Variants in PALLD observed in about 807,000 individuals in gnomAD.
PALLD encodes the protein palladin.
A neutral mutation model predicts 123.5 loss-of-function variants in PALLD; 61 were observed. That is an observed-to-expected ratio of 0.49 (90% CI 0.40 to 0.61). The LOEUF is 0.61. PALLD is among the 20% of genes least tolerant of loss of function. The pLI is 0.00. For missense variants in PALLD, 1,273 were observed against 1,377.0 expected (o/e 0.92, Z 1.20); for synonymous variants, 465 against 496.4 (o/e 0.94, Z 0.84).
chr4:168,640,932 G>A (rs1301891065), intron 2 of PALLD, among the ~76,000 whole-genome samples: 1 of 152,124 alleles, frequency 6.6e-6, no homozygotes. Flanking sequence ...TTCCAGGCCG[G>A]GCACGGTGGC....
intron 8 of PALLD, 78 bp from the exon 9 acceptor site, chr4:168,708,950 A>G: frequency 8.0e-7 from 1 of 1,248,704 alleles, no homozygotes; most frequent in Non-Finnish European, 1.2e-6. Flanking sequence ...TTTGTTGTGG[A>G]AAGGTGGAGG....
intron 2 of PALLD, among the ~76,000 whole-genome samples, chr4:168,606,844 G>T (rs1403208427): frequency 6.6e-6 from 1 of 152,110 alleles, no homozygotes; most frequent in African/African-American, 2.4e-5. Flanking sequence ...AATACACTGA[G>T]GGCCAGCAAA....
intron 15 of PALLD, among the ~76,000 whole-genome samples, chr4:168,910,530 A>G (rs1420878639): frequency 6.6e-6 from 1 of 152,244 alleles, no homozygotes; most frequent in Non-Finnish European, 1.5e-5. Context: ...GGATGCCTCA[A>G]AACTGGTTAT....
chr4:168,819,091 G>T (rs1742359120), intron 10 of PALLD, among the ~76,000 whole-genome samples: 1 of 152,170 alleles, frequency 6.6e-6, no homozygotes. Context: ...AGGCTTCAGA[G>T]TTTACCTATC....
chr4:168,836,634 A>G (rs1052775420), intron 10 of PALLD, among the ~76,000 whole-genome samples: 4 of 152,158 alleles, frequency 2.6e-5, no homozygotes, highest in Non-Finnish European at 5.9e-5. Flanking sequence ...AGGCAAACAG[A>G]GATGAAGTAC....
chr4:168,537,807 G>A (rs1292546083), intron 2 of PALLD: 1 of 152,200 alleles, frequency 6.6e-6, no homozygotes, highest in Non-Finnish European at 1.5e-5. Context: ...AGACAAAAAT[G>A]AGAGGGAAAT....
At chr4:168,675,535 A>G (rs569949211) in intron 3 of PALLD, among the ~76,000 whole-genome samples, 18 of 152,310 alleles carry the variant, frequency 1.2e-4, no homozygotes, top group African/African-American at 3.6e-4. Context: ...AAACCAGTTT[A>G]ACTTTGGCCA....
At chr4:168,587,669 A>G (rs564132185) in intron 2 of PALLD, among the ~76,000 whole-genome samples, 1 of 151,742 alleles carries the variant, frequency 6.6e-6, no homozygotes, top group South Asian at 2.1e-4. Context: ...TCCCTATTCT[A>G]CCTCTCCCCT....
Position 168,711,831 on chromosome 4 carries a change from C to T in PALLD, c.1872C>T (p.Asn624=), listed in dbSNP as rs189427176. ...GCCGTGGAGTAAATGGACTGATTAA[C>T]GGCAAAGCTAACAGTAATAAATCTC... The part of the protein sequence containing the change: ...HPSRGVNGLI[N]GKANSNKSLP... The change falls in exon 10 of 22, where the codon AAC becomes AAT. Residue 624 remains asparagine (N), a synonymous_variant. Coordinates refer to ENST00000505667, the MANE Select transcript of PALLD (RefSeq NM_001166108.2). The T allele has an allele frequency of 3.4e-5, 55 of 1,614,148 alleles. No homozygotes were observed. The highest frequency in any genetic ancestry group is 2.7e-4 in the East Asian group (12 of 44,884).
intron 10 of PALLD, among the ~76,000 whole-genome samples, chr4:168,881,789 C>T (rs1581892027): frequency 6.6e-6 from 1 of 152,096 alleles, no homozygotes; most frequent in South Asian, 2.1e-4. Context: ...GGTGTTACAG[C>T]CTCCATTGCT....
At chr4:168,793,042 C>G (rs1313794286) in intron 10 of PALLD, among the ~76,000 whole-genome samples, 2 of 151,454 alleles carry the variant, frequency 1.3e-5, no homozygotes, top group African/African-American at 4.9e-5. Context: ...GCTGGGATTA[C>G]AGGAGTGGGG....
At chr4:168,534,700 T>C (rs997356383) in intron 2 of PALLD, among the ~76,000 whole-genome samples, 7 of 152,218 alleles carry the variant, frequency 4.6e-5, no homozygotes, top group African/African-American at 1.7e-4. Flanking sequence ...TAATCATTTA[T>C]TACCTTCATA....
At chr4:168,781,469 T>C (rs1431245228) in intron 10 of PALLD, among the ~76,000 whole-genome samples, 1 of 152,194 alleles carries the variant, frequency 6.6e-6, no homozygotes, top group African/African-American at 2.4e-5. Flanking sequence ...AGGGGATAAC[T>C]ATGACATGGT....
At chr4:168,750,111 C>A (rs1299434440) in intron 10 of PALLD, among the ~76,000 whole-genome samples, 2 of 151,310 alleles carry the variant, frequency 1.3e-5, no homozygotes, top group Non-Finnish European at 2.9e-5. Flanking sequence ...CCACACCCAG[C>A]TAATTTCTGT....
intron 9 of PALLD, among the ~76,000 whole-genome samples, chr4:168,711,105 G>A (rs1430813352): frequency 6.6e-6 from 1 of 152,170 alleles, no homozygotes; most frequent in East Asian, 1.9e-4. Flanking sequence ...ATATTTTTAT[G>A]AGATTATGAA....
At chr4:168,676,601 A>G (rs1487659659) in intron 3 of PALLD, among the ~76,000 whole-genome samples, 1 of 150,958 alleles carries the variant, frequency 6.6e-6, no homozygotes, top group Non-Finnish European at 1.5e-5. Flanking sequence ...TTTTTTTTGA[A>G]AAGTCTCGCT....
rs768381767 is a variant in PALLD, at chr4:168,891,036, C to A, written c.2079C>A (p.Asp693Glu). 1 of 1,614,012 alleles carries A rather than the reference C, an allele frequency of 6.2e-7. No individual in the cohort carries two copies. The highest frequency in any genetic ancestry group is 8.5e-7 in the Non-Finnish European group (1 of 1,180,026). The stretch of plus-strand genomic sequence containing the variant: ...AACGAAAACTTCGCTTCAAGGAGGA[C>A]CTCCTGAACAATGGCCAGCCGGTAC... ...DLERKLRFKE[D>E]LLNNGQPRLT... Residue 693 changes from aspartate (D) to glutamate (E), a missense_variant, in exon 11 of 22, where the codon GAC becomes GAA. Physicochemically the swap from Asp to Glu is conservative, Grantham distance 45. Around this residue, in one of 2 missense-constraint regions of PALLD, gnomAD observed 944 missense variants for 954.5 expected, o/e 0.99. Transcript: ENST00000505667.
intron 10 of PALLD, among the ~76,000 whole-genome samples, chr4:168,783,241 T>C (rs1232542884): frequency 1.3e-5 from 2 of 152,186 alleles, no homozygotes; most frequent in Non-Finnish European, 2.9e-5. Flanking sequence ...CCAGTTATGT[T>C]CTTATTACTC....
rs1282471339 is a variant in PALLD, at chr4:168,740,073, AATGACAC to A, written c.1964+28154_1964+28160del. On this transcript the variant is annotated intron_variant, in intron 10 of 21. Coordinates refer to ENST00000505667, the MANE Select transcript of PALLD (RefSeq NM_001166108.2). Reference sequence around the variant, plus strand: ...CCATGTTAGTTGAAACTGGAAAAAAAATGACACATGCCATTTTTAATAGGTAGTTGAG... The same window carrying A: ...CCATGTTAGTTGAAACTGGAAAAAAAATGCCATTTTTAATAGGTAGTTGAG... Among the ~76,000 whole-genome samples, 3 of 152,122 alleles carry A rather than the reference AATGACAC, an allele frequency of 2.0e-5. No individual in the cohort carries two copies. In the East Asian group the frequency reaches 5.8e-4, roughly 29 times the overall value.
Sources: allele counts gnomAD v4.1 joint callset (sites outside exome capture counted in the v4.1 genomes callset), GRCh38; gene constraint gnomAD v4.1.1; regional missense constraint gnomAD v4.1.1; transcripts MANE v1.5; gene names NCBI Gene and HGNC (gene_info 2026-07-23, HGNC 2026-07-21).